EPPIN: variants seen among roughly 807,000 people sequenced by gnomAD.
EPPIN encodes epididymal peptidase inhibitor, also known as WAP four-disulfide core domain protein 7.
In EPPIN, 14 loss-of-function variants were observed where a neutral mutation model predicts 18.8. That is an observed-to-expected ratio of 0.75 (90% CI 0.49 to 1.17). EPPIN has a LOEUF of 1.17. Among genes scored for constraint, EPPIN ranks in the 50% most tolerant of loss-of-function variants. EPPIN has a pLI of 0.00. For missense variants in EPPIN, 143 were observed against 154.2 expected (o/e 0.93, Z 0.39); for synonymous variants, 57 against 54.8 (o/e 1.04, Z -0.18).
At chr20:45,546,031 T>C (rs1979817094) in intron 1 of EPPIN, 1 of 514,016 alleles carries the variant, frequency 1.9e-6, no homozygotes, top group Non-Finnish European at 3.4e-6. Context: ...TGGTGATATT[T>C]GGGCTGGATA....
At chr20:45,542,918 A>G (rs751377077) in intron 2 of EPPIN, 51 bp from the exon 3 acceptor site, 3 of 1,559,296 alleles carry the variant, frequency 1.9e-6, no homozygotes, top group Non-Finnish European at 1.7e-6. Context: ...TCCAGAAATA[A>G]ACAGTTGTTA....
intron 1 of EPPIN, chr20:45,546,404 G>T (rs1000310170): frequency 1.3e-5 from 2 of 152,418 alleles, no homozygotes; most frequent in African/African-American, 4.8e-5. Flanking sequence ...TACGGATTTT[G>T]TGAGAAAACA....
At chr20:45,545,808 G>A (rs1979804426) in intron 1 of EPPIN, 38 bp from the exon 2 acceptor site, 2 of 1,606,440 alleles carry the variant, frequency 1.2e-6, no homozygotes, top group South Asian at 1.1e-5. Flanking sequence ...GTGCCTTAGA[G>A]AGCATAGTGT....
At position 45,546,029 on chromosome 20, in the gene EPPIN, T is replaced by C. The variant is rs896011076; in HGVS notation, c.92-259A>G. 7.7e-6 allele frequency: 4 copies of C among 518,534 alleles called. No individual in the cohort carries two copies. The Admixed American group carries it at 1.0e-4, about 13-fold the overall frequency. The allele number at this position is 518,534 out of a possible 1,614,324, so 32.1% of individuals were successfully genotyped here. On this transcript the variant is annotated intron_variant, in intron 1 of 3. Transcript: ENST00000354280. ...CAGAATTTCTCAACCACTGGTGATA[T>C]TTGGGCTGGATAATTCTTTGTTTGG...
rs1257854634 is a variant in EPPIN, at chr20:45,545,728, C to T, written c.134G>A (p.Arg45Lys). 6.2e-7 allele frequency: 1 copy of T among 1,614,050 alleles called. No homozygotes were observed. Among genetic ancestry groups the T allele is most frequent in the South Asian group, 1.1e-5 (1 of 91,070 alleles). The change falls in exon 2 of 4, where the codon AGG (arginine) becomes AAG (lysine). Residue 45 changes from arginine to lysine, a missense_variant. By Grantham distance (26) the Arg-to-Lys change is conservative (BLOSUM62 2). Transcript: ENST00000354280. ...KIREECEFQE[R>K]DVCTKDRQCQ... The stretch of plus-strand genomic sequence containing the variant: ...TTGTCTGTCCTTTGTACACACATCC[C>T]TTTCTTGGAATTCACATTCTTCTCT...
Position 45,542,166 on chromosome 20 carries a change from G to A in EPPIN, c.392-12C>T, listed in dbSNP as rs778768147. The A allele has an allele frequency of 3.8e-5, 61 of 1,613,382 alleles. No individual in the cohort carries two copies. The highest frequency in any genetic ancestry group is 1.3e-4 in the East Asian group (6 of 44,840). Reference sequence around the variant, plus strand: ...CAATCAGGGAAAGCCTGCAGAGAACGTAGGACAGAAACAGCTGAGCATCTT... The same window carrying A: ...CAATCAGGGAAAGCCTGCAGAGAACATAGGACAGAAACAGCTGAGCATCTT... On this transcript the variant is annotated splice_polypyrimidine_tract_variant and intron_variant, in intron 3 of 3. Transcript: ENST00000354280.
At chr20:45,544,461 C>T (rs1206348749) in intron 2 of EPPIN, 1 of 152,100 alleles carries the variant, frequency 6.6e-6, no homozygotes, top group African/African-American at 2.4e-5. Flanking sequence ...GACAAAAAGG[C>T]TCGTAAAAAC....
rs779324137 is a variant in EPPIN, at chr20:45,542,034, G to A, written c.*110C>T. On this transcript the variant is annotated 3_prime_UTR_variant, in exon 4 of 4. Transcript: ENST00000354280. ...TGTTCTGGGAAGGGCTAAGATCTTG[G>A]AATGCTGAGAGTGAAACTGGAAGCC... 473 of 1,416,536 alleles carry A rather than the reference G, an allele frequency of 3.3e-4. 1 individual carries two copies. Among genetic ancestry groups the A allele is most frequent in the Non-Finnish European group, 4.4e-4 (447 of 1,026,730 alleles). The allele number at this position is 1,416,536 out of a possible 1,614,324, so 87.7% of individuals were successfully genotyped here.
intron 3 of EPPIN, 104 bp from the exon 4 acceptor site, chr20:45,542,258 G>A: frequency 3.3e-6 from 5 of 1,497,250 alleles, no homozygotes; most frequent in Non-Finnish European, 4.5e-6. Flanking sequence ...ACACTAAAAA[G>A]TAGTGGGTTT....
chr20:45,547,120 G>C, intron 1 of EPPIN, 147 bp downstream of exon 1: 1 of 1,146,062 alleles, frequency 8.7e-7, no homozygotes. Flanking sequence ...TTACACAGGA[G>C]GGATCTTACA....
intron 2 of EPPIN, chr20:45,544,956 C>T (rs952946563): frequency 5.3e-5 from 8 of 152,242 alleles, no homozygotes; most frequent in African/African-American, 1.9e-4. Context: ...AACCCCTCCA[C>T]CCACTTTTTG....
rs374858005 is a variant in EPPIN at position 45,545,667 on chromosome 20, G to A, written c.195C>T (p.Cys65=). 221 of 1,613,904 alleles carry A rather than the reference G, an allele frequency of 1.4e-4. 1 individual carries two copies. The highest frequency in any genetic ancestry group is 6.7e-4 in the East Asian group (30 of 44,882). The change falls in exon 2 of 4, where the codon TGC becomes TGT. Residue 65 remains cysteine (C), a synonymous_variant. Coordinates refer to ENST00000354280, the MANE Select transcript of EPPIN (RefSeq NM_020398.4). The stretch of plus-strand genomic sequence containing the variant: ...GTTTGAGATCTAAACATTTTTTTCC[G>A]CAGCTGAAGACACAACACTTCTTGT... The part of the protein sequence containing the change: ...QDNKKCCVFS[C]GKKCLDLKQD...
intron 1 of EPPIN, 146 bp downstream of exon 1, chr20:45,547,121 G>A (rs1979865730): frequency 8.8e-7 from 1 of 1,139,738 alleles, no homozygotes; most frequent in Non-Finnish European, 1.2e-6. Context: ...TACACAGGAG[G>A]GATCTTACAA....
In EPPIN at chr20:45,545,559, G is replaced by C. The variant is rs952703319; in HGVS notation, c.223+80C>G. ...GCCAGAGACCAGCCCTCAGCGATCA[G>C]GGCACAAAGCCAGTCCAGGAAGGCA... On this transcript the variant is annotated intron_variant, in intron 2 of 3. Transcript: ENST00000354280. The C allele has an allele frequency of 7.5e-6, 12 of 1,602,258 alleles. No individual in the cohort carries two copies. In the African/African-American group the frequency reaches 8.0e-5, roughly 11 times the overall value.
intron 2 of EPPIN, chr20:45,545,416 GT>G: frequency 1.6e-6 from 1 of 630,056 alleles, no homozygotes; most frequent in Non-Finnish European, 2.6e-6. Context: ...CCAATGATTT[GT>G]TCTGGGAAAC....
In EPPIN at chr20:45,542,753, T is replaced by C; in HGVS notation, c.338A>G (p.Asn113Ser). The C allele has an allele frequency of 3.7e-6, 6 of 1,613,980 alleles. No individual in the cohort carries two copies. The highest frequency in any genetic ancestry group is 4.2e-6 in the Non-Finnish European group (5 of 1,179,888). ...SMFVYGGCQG[N>S]NNNFQSKANC... is the part of the protein sequence containing the mutation. ...GGCTTTGGATTGGAAGTTGTTATTG[T>C]TTCCCTGGCAGCCACCATAGACAAA... The change falls in exon 3 of 4, where the codon AAC (asparagine) becomes AGC (serine). Residue 113 changes from asparagine to serine, a missense_variant. Coordinates refer to ENST00000354280, the MANE Select transcript of EPPIN (RefSeq NM_020398.4).
In EPPIN at chr20:45,547,362, A is replaced by AAG. The variant is rs756122913; in HGVS notation, c.-7_-6dup. On this transcript the variant is annotated 5_prime_UTR_variant, in exon 1 of 4. Coordinates refer to ENST00000354280, the MANE Select transcript of EPPIN (RefSeq NM_020398.4). ...CAAAAGTCCAGAAGATCCCATGTTG[A>AAG]AGAGAGGCCAGCCTTTCTGGTGGTT... The AAG allele has an allele frequency of 1.2e-6, 2 of 1,613,588 alleles. No individual in the cohort carries two copies. Among genetic ancestry groups the AAG allele is most frequent in the South Asian group, 2.2e-5 (2 of 91,056 alleles).
intron 1 of EPPIN, 47 bp from the exon 2 acceptor site, chr20:45,545,817 G>A (rs1979805401): frequency 6.3e-7 from 1 of 1,599,786 alleles, no homozygotes; most frequent in East Asian, 2.2e-5. Context: ...AGAGCATAGT[G>A]TCTCCCCACT....
rs1281563216 is a variant in EPPIN at position 45,542,138 on chromosome 20, A to T, written c.*6T>A. The T allele has an allele frequency of 6.2e-7, 1 of 1,613,552 alleles. No homozygotes were observed. The highest frequency in any genetic ancestry group is 1.3e-5 in the African/African-American group (1 of 74,902). ...CTGGCAGTTCTTCCAGTGCATCCTTATCCAATCAGGGAAAGCCTGCAGAGA... is the reference window on the plus strand; with the variant it reads ...CTGGCAGTTCTTCCAGTGCATCCTTTTCCAATCAGGGAAAGCCTGCAGAGA... On this transcript the variant is annotated 3_prime_UTR_variant, in exon 4 of 4. Transcript: ENST00000354280.
Sources: allele counts gnomAD v4.1 joint callset, GRCh38; gene constraint gnomAD v4.1.1; transcripts MANE v1.5; gene names NCBI Gene and HGNC (gene_info 2026-07-23, HGNC 2026-07-21).